Variants in SESTD1 observed in about 807,000 individuals in gnomAD.
SESTD1 encodes the protein SEC14 and spectrin domain containing 1, also known as SEC14 domain and spectrin repeat-containing protein 1.
A neutral mutation model predicts 101.7 loss-of-function variants in SESTD1; 43 were observed. That is an observed-to-expected ratio of 0.42 (90% CI 0.33 to 0.55). The LOEUF (loss-of-function observed/expected upper bound fraction) is 0.55. Ranked by LOEUF, SESTD1 falls within the 20% of genes least tolerant of loss-of-function variation. The pLI is 0.07. For missense variants in SESTD1, 647 were observed against 815.1 expected (o/e 0.79, Z 2.51); for synonymous variants, 283 against 286.8 (o/e 0.99, Z 0.13).
At chr2:179,191,709 A>C in intron 2 of SESTD1, 78 bp downstream of exon 2, 1 of 1,165,214 alleles carries the variant, frequency 8.6e-7, no homozygotes. Flanking sequence ...AAAAAAATGC[A>C]TCTGTCATAC....
chr2:179,103,357 G>A lies in SESTD1; in HGVS notation c.*6542C>T, dbSNP rs991531227. 1 of 151,868 alleles carries A rather than the reference G, an allele frequency of 6.6e-6. No homozygotes were observed. Among genetic ancestry groups the A allele is most frequent in the African/African-American group, 2.4e-5 (1 of 41,342 alleles). The allele number at this position is 151,868 out of a possible 1,614,324, so 9.4% of individuals were successfully genotyped here. A position where few individuals can be genotyped will look rare whatever the true frequency, so the allele number is the denominator to read the frequency against. ...TGCACATCAAAATACAAAATACAGG[G>A]CACAATAAAACTGAACTGGAAAAAG... is the stretch of plus-strand genomic sequence containing the variant. On this transcript the variant is annotated 3_prime_UTR_variant, in exon 18 of 18. Coordinates refer to ENST00000428443, the MANE Select transcript of SESTD1 (RefSeq NM_178123.5).
At chr2:179,172,626 G>A (rs778778092) in intron 4 of SESTD1, among the ~76,000 whole-genome samples, 18 of 152,006 alleles carry the variant, frequency 1.2e-4, no homozygotes, top group Non-Finnish European at 2.4e-4. Context: ...TTCAAAAGAC[G>A]TAAAATCAAT....
chr2:179,123,665 A>AT (rs748404601), intron 12 of SESTD1, 50 bp downstream of exon 12: 58 of 956,836 alleles, frequency 6.1e-5, no homozygotes, highest in African/African-American at 3.3e-4. Flanking sequence ...TGGTAATGAT[A>AT]TTTAAAAAAA....
chr2:179,200,655 A>G (rs1202068565), intron 1 of SESTD1, among the ~76,000 whole-genome samples: 3 of 150,232 alleles, frequency 2.0e-5, no homozygotes, highest in African/African-American at 7.4e-5. Flanking sequence ...AAACCTGAGA[A>G]AAACAAGAAA....
chr2:179,247,843 A>G (rs2047256580), intron 1 of SESTD1, among the ~76,000 whole-genome samples: 1 of 152,132 alleles, frequency 6.6e-6, no homozygotes, highest in Non-Finnish European at 1.5e-5. Flanking sequence ...ACTACCTAAG[A>G]GCCAAACAGG....
At chr2:179,145,369 C>T (rs141052318) in intron 8 of SESTD1, among the ~76,000 whole-genome samples, 10 of 152,216 alleles carry the variant, frequency 6.6e-5, no homozygotes, top group African/African-American at 2.2e-4. Context: ...AGTTACTTAA[C>T]GTTTTTATGC....
intron 1 of SESTD1, among the ~76,000 whole-genome samples, chr2:179,199,103 T>TA (rs2046456178): frequency 6.6e-6 from 1 of 151,744 alleles, no homozygotes; most frequent in African/African-American, 2.4e-5. Context: ...ATAGACGCAA[T>TA]AAAAAATGAT....
Position 179,112,861 on chromosome 2 carries a change from G to A in SESTD1, c.1840-16C>T. ...CCTGCAAAATCTGCAACAAATAAAAGAGCAACATCAATCAAGAGACACAGA... is the reference window on the plus strand; with the variant it reads ...CCTGCAAAATCTGCAACAAATAAAAAAGCAACATCAATCAAGAGACACAGA... On this transcript the variant is annotated splice_polypyrimidine_tract_variant and intron_variant, in intron 16 of 17. Coordinates refer to ENST00000428443, the MANE Select transcript of SESTD1 (RefSeq NM_178123.5). 3 of 1,601,366 alleles carry A rather than the reference G, an allele frequency of 1.9e-6. No homozygotes were observed. Among genetic ancestry groups the A allele is most frequent in the South Asian group, 2.2e-5 (2 of 89,086 alleles).
chr2:179,254,126 A>G (rs1359699647), intron 1 of SESTD1, among the ~76,000 whole-genome samples: 1 of 152,054 alleles, frequency 6.6e-6, no homozygotes, highest in East Asian at 1.9e-4. Flanking sequence ...AATAAAAAAT[A>G]AAATTTGAAA....
intron 14 of SESTD1, 58 bp downstream of exon 14, chr2:179,117,474 A>G (rs2044658274): frequency 7.1e-7 from 1 of 1,411,926 alleles, no homozygotes; most frequent in Non-Finnish European, 9.6e-7. Context: ...GTTTGTAGTT[A>G]GATAAAATCA....
intron 7 of SESTD1, 42 bp from the exon 8 acceptor site, chr2:179,146,499 T>C: frequency 6.5e-7 from 1 of 1,527,896 alleles, no homozygotes; most frequent in Non-Finnish European, 9.0e-7. Context: ...GGCATATTTC[T>C]ATCAATGTAA....
chr2:179,168,367 T>A (rs908953348), intron 5 of SESTD1, among the ~76,000 whole-genome samples: 5 of 152,232 alleles, frequency 3.3e-5, no homozygotes, highest in African/African-American at 1.2e-4. Flanking sequence ...TGACTGTTTA[T>A]GTAATTAGTA....
At chr2:179,152,566 G>C (rs1559116621) in intron 5 of SESTD1, among the ~76,000 whole-genome samples, 1 of 152,114 alleles carries the variant, frequency 6.6e-6, no homozygotes, top group Non-Finnish European at 1.5e-5. Context: ...GAAAAATTTA[G>C]AAACAGACAC....
chr2:179,170,571 C>T (rs1283520487), intron 5 of SESTD1, among the ~76,000 whole-genome samples: 1 of 152,072 alleles, frequency 6.6e-6, no homozygotes, highest in Non-Finnish European at 1.5e-5. Context: ...CCCCAGTTAT[C>T]GACACAAGAG....
intron 6 of SESTD1, among the ~76,000 whole-genome samples, chr2:179,151,062 C>T (rs1315563399): frequency 1.3e-5 from 2 of 152,250 alleles, no homozygotes; most frequent in African/African-American, 2.4e-5. Flanking sequence ...CAAGATTAAA[C>T]GCATTGTTGA....
Position 179,212,217 on chromosome 2 carries a change from G to A in SESTD1, c.-25-20351C>T, listed in dbSNP as rs1181133741. ...GAGTTGCTTCACCTAGGAAGCGCAA[G>A]GGGCCGGGGGATTTTCCTTTCCTAG... On this transcript the variant is annotated intron_variant, in intron 1 of 17. Coordinates refer to ENST00000428443, the MANE Select transcript of SESTD1 (RefSeq NM_178123.5). Among the ~76,000 whole-genome samples, 2 of 134,402 alleles carry A rather than the reference G, an allele frequency of 1.5e-5. 1 individual carries two copies. The highest frequency in any genetic ancestry group is 5.9e-5 in the African/African-American group (2 of 33,936). The allele number at this position is 134,402 out of a possible 152,430, so 88.2% of individuals were successfully genotyped here.
At chr2:179,144,869 G>T (rs972123807) in intron 8 of SESTD1, among the ~76,000 whole-genome samples, 1 of 151,766 alleles carries the variant, frequency 6.6e-6, no homozygotes, top group African/African-American at 2.4e-5. Flanking sequence ...TTAATTCAAT[G>T]AATTAAAATA....
At chr2:179,231,569 TAAAG>T (rs1295323293) in intron 1 of SESTD1, among the ~76,000 whole-genome samples, 2 of 147,806 alleles carry the variant, frequency 1.4e-5, no homozygotes, top group Non-Finnish European at 3.0e-5. Context: ...CATAGAGAAA[TAAAG>T]AAAAATAGAA....
At chr2:179,259,366 G>A (rs532892934) in intron 1 of SESTD1, among the ~76,000 whole-genome samples, 12 of 152,104 alleles carry the variant, frequency 7.9e-5, no homozygotes, top group Non-Finnish European at 1.6e-4. Context: ...GAGTAGCTGG[G>A]ATTACAGGTG....
Sources: allele counts gnomAD v4.1 joint callset (sites outside exome capture counted in the v4.1 genomes callset), GRCh38; gene constraint gnomAD v4.1.1; transcripts MANE v1.5; gene names NCBI Gene and HGNC (gene_info 2026-07-23, HGNC 2026-07-21).